Variants in SGCZ observed in about 807,000 individuals in gnomAD.
SGCZ encodes sarcoglycan zeta, also known as zeta-sarcoglycan.
Under a neutral mutation model 41.3 loss-of-function variants are expected in SGCZ, and 40 were observed. That is an observed-to-expected ratio of 0.97 (90% CI 0.75 to 1.26). The LOEUF is 1.26. SGCZ is among the 50% of genes most tolerant of loss of function. SGCZ has a pLI of 0.00. For synonymous variants in SGCZ, 206 were observed against 137.5 expected, an observed-to-expected ratio of 1.50 and a Z score of -3.49; for missense variants, 552 against 369.8, an observed-to-expected ratio of 1.49 and a Z score of -4.04.
At chr8:15,174,411 TAAAAC>T (rs1585640141) in intron 1 of SGCZ, among the ~76,000 whole-genome samples, 1 of 152,146 alleles carries the variant, frequency 6.6e-6, no homozygotes, top group South Asian at 2.1e-4. Context: ...AAAACAAAGA[TAAAAC>T]AGAACCCCAG....
intron 1 of SGCZ, among the ~76,000 whole-genome samples, chr8:15,200,053 A>G (rs919975765): frequency 6.6e-6 from 1 of 152,244 alleles, no homozygotes; most frequent in Admixed American, 6.5e-5. Context: ...AGTTAGGTAT[A>G]CGAATTTTGT....
At chr8:14,205,628 C>T (rs1349927009) in intron 4 of SGCZ, among the ~76,000 whole-genome samples, 3 of 152,188 alleles carry the variant, frequency 2.0e-5, no homozygotes, top group African/African-American at 7.2e-5. Context: ...ACTATATAAT[C>T]CAATATGCAA....
intron 3 of SGCZ, among the ~76,000 whole-genome samples, chr8:14,275,511 A>C (rs568180325): frequency 3.0e-4 from 45 of 152,108 alleles, no homozygotes; most frequent in African/African-American, 1.0e-3. Flanking sequence ...CTGTTTGATC[A>C]CTCAGCACTT....
intron 7 of SGCZ, among the ~76,000 whole-genome samples, chr8:14,098,600 G>A (rs1478039): frequency 0.18 from 27,426 of 152,090 alleles, 3,634 homozygotes; most frequent in East Asian, 0.67. Context: ...AGTATTCTAG[G>A]GGCAAACTCT....
At chr8:14,501,190 A>G (rs1397165475) in intron 2 of SGCZ, among the ~76,000 whole-genome samples, 1 of 151,798 alleles carries the variant, frequency 6.6e-6, no homozygotes, top group Non-Finnish European at 1.5e-5. Context: ...GTGTAGTATC[A>G]TAGAAACTCA....
intron 1 of SGCZ, among the ~76,000 whole-genome samples, chr8:14,820,114 A>G (rs1225369911): frequency 1.8e-4 from 27 of 152,154 alleles, no homozygotes; most frequent in Admixed American, 1.8e-3. Flanking sequence ...AATTAGACCT[A>G]ACTATACATA....
chr8:14,740,896 C>G (rs1205885075), intron 1 of SGCZ, among the ~76,000 whole-genome samples: 2 of 151,900 alleles, frequency 1.3e-5, no homozygotes. Context: ...GGTTTCTTCG[C>G]CAGCACCCTT....
chr8:14,102,990 C>T (rs1454371864), intron 6 of SGCZ, among the ~76,000 whole-genome samples: 3 of 152,122 alleles, frequency 2.0e-5, no homozygotes, highest in Non-Finnish European at 4.4e-5. Flanking sequence ...TAATATTGCA[C>T]ACTTTCAGGC....
At chr8:14,733,959 A>G (rs2130250119) in intron 1 of SGCZ, among the ~76,000 whole-genome samples, 1 of 152,362 alleles carries the variant, frequency 6.6e-6, no homozygotes, top group Middle Eastern at 3.4e-3. Context: ...CATGTTGAAA[A>G]GACGTTTTAT....
chr8:15,154,894 C>G (rs897495705), intron 1 of SGCZ, among the ~76,000 whole-genome samples: 1 of 152,130 alleles, frequency 6.6e-6, no homozygotes, highest in Non-Finnish European at 1.5e-5. Context: ...GAGGAATAAG[C>G]TCTAGTGTTC....
chr8:15,018,428 C>T (rs780698881), intron 1 of SGCZ, among the ~76,000 whole-genome samples: 2 of 152,056 alleles, frequency 1.3e-5, no homozygotes, highest in Non-Finnish European at 2.9e-5. Flanking sequence ...ATGAAAATGA[C>T]GAGGCAGTAC....
At chr8:14,510,516 T>A (rs1802437819) in intron 2 of SGCZ, among the ~76,000 whole-genome samples, 1 of 152,134 alleles carries the variant, frequency 6.6e-6, no homozygotes, top group African/African-American at 2.4e-5. Flanking sequence ...GATGATCTAC[T>A]GGTAAGCTAA....
At chr8:14,989,782 A>G (rs948703534) in intron 1 of SGCZ, among the ~76,000 whole-genome samples, 7 of 152,222 alleles carry the variant, frequency 4.6e-5, no homozygotes, top group African/African-American at 1.2e-4. Flanking sequence ...ATAGAGTTTC[A>G]TCTTTTTCAT....
intron 2 of SGCZ, among the ~76,000 whole-genome samples, chr8:14,373,920 TG>T (rs1358156987): frequency 2.0e-5 from 3 of 152,134 alleles, no homozygotes; most frequent in Admixed American, 2.0e-4. Flanking sequence ...CAATCCACCA[TG>T]GCACACGTTT....
chr8:14,837,431 G>T (rs1359192366), intron 1 of SGCZ, among the ~76,000 whole-genome samples: 3 of 152,208 alleles, frequency 2.0e-5, no homozygotes, highest in South Asian at 2.1e-4. Flanking sequence ...CTTAAGATCT[G>T]TACTCCTCCT....
chr8:15,118,225 A>G (rs1403181361), intron 1 of SGCZ, among the ~76,000 whole-genome samples: 1 of 152,250 alleles, frequency 6.6e-6, no homozygotes, highest in Non-Finnish European at 1.5e-5. Context: ...AATAAAAATC[A>G]TTATTCTTTC....
chr8:15,139,667 C>A (rs1181767792), intron 1 of SGCZ, among the ~76,000 whole-genome samples: 1 of 147,508 alleles, frequency 6.8e-6, no homozygotes, highest in Non-Finnish European at 1.5e-5. Flanking sequence ...ATTCCAAATA[C>A]CATAAAATAT....
Position 14,676,809 on chromosome 8 carries a change from G to A in SGCZ, c.40-121883C>T, listed in dbSNP as rs772817480. 1.1e-3 allele frequency among the ~76,000 whole-genome samples: 173 copies of A among 152,120 alleles called. 1 individual carries two copies. Among genetic ancestry groups the A allele is most frequent in the Middle Eastern group, 6.8e-3 (2 of 294 alleles). On this transcript the variant is annotated intron_variant, in intron 1 of 7. Transcript: ENST00000382080. ...GCTCTTAGAAAACAAGAAATAAAGC[G>A]TATTTTCTAAGCTTAATAATATCTG...
At chr8:15,094,130 GTTTT>G (rs1301564233) in intron 1 of SGCZ, among the ~76,000 whole-genome samples, 3 of 151,176 alleles carry the variant, frequency 2.0e-5, no homozygotes, top group African/African-American at 7.3e-5. Context: ...TTTATTTATG[GTTTT>G]TTTTAAATTT....
Sources: allele counts gnomAD v4.1 joint callset (sites outside exome capture counted in the v4.1 genomes callset), GRCh38; gene constraint gnomAD v4.1.1; transcripts MANE v1.5; gene names NCBI Gene and HGNC (gene_info 2026-07-23, HGNC 2026-07-21).